Variants in DCLRE1C observed in about 807,000 individuals in gnomAD.
The protein encoded by DCLRE1C is DNA cross-link repair 1C.
In DCLRE1C, 47 loss-of-function variants were observed where a neutral mutation model predicts 61.4. The ratio of observed to expected loss-of-function variants is 0.77; its 90% CI spans 0.61 to 0.98. The LOEUF is 0.98. Ranked by LOEUF, DCLRE1C falls within the 50% of genes least tolerant of loss-of-function variation. The pLI is 0.00. For missense variants in DCLRE1C, 858 were observed against 816.0 expected, an observed-to-expected ratio of 1.05 and a Z score of -0.63; for synonymous variants, 337 against 287.6, an observed-to-expected ratio of 1.17 and a Z score of -1.74.
intron 12 of DCLRE1C, 97 bp from the exon 13 acceptor site, chr10:14,919,929 T>A (rs1208087521): frequency 5.1e-6 from 5 of 986,320 alleles, no homozygotes; most frequent in Non-Finnish European, 6.3e-6. Context: ...TTTTGTTTTT[T>A]AATTTCTTGG....
intron 11 of DCLRE1C, among the ~76,000 whole-genome samples, chr10:14,924,946 G>C (rs1213091176): frequency 6.6e-6 from 1 of 151,856 alleles, no homozygotes; most frequent in South Asian, 2.1e-4. Context: ...TCTGCAAATG[G>C]ACAGACTAGA....
At chr10:14,899,655 C>T (rs17353856), downstream of DCLRE1C, 200,914 of 1,613,652 alleles carry the variant, frequency 0.12, 13,659 homozygotes, top group Non-Finnish European at 0.14. Flanking sequence ...CGGCTCGATA[C>T]GGCAATGTGT....
At chr10:14,923,420 CA>C (rs1837458159) in intron 11 of DCLRE1C, 1 of 276,356 alleles carries the variant, frequency 3.6e-6, no homozygotes, top group Non-Finnish European at 7.1e-6. Flanking sequence ...CCAAGAAGGT[CA>C]GTTGCTTATG....
intron 13 of DCLRE1C, among the ~76,000 whole-genome samples, chr10:14,919,109 G>A (rs1416717783): frequency 1.3e-5 from 2 of 152,046 alleles, no homozygotes; most frequent in African/African-American, 4.8e-5. Context: ...TTACTGCATG[G>A]CAGAGTAACT....
intron 13 of DCLRE1C, among the ~76,000 whole-genome samples, chr10:14,917,673 AATT>A (rs1415867311): frequency 6.6e-6 from 1 of 152,012 alleles, no homozygotes; most frequent in African/African-American, 2.4e-5. Flanking sequence ...AAAATATAAA[AATT>A]AGCCAGGCAT....
At position 14,945,197 on chromosome 10, in the gene DCLRE1C, GA is replaced by G; in HGVS notation, c.162-9del. On this transcript the variant is annotated splice_polypyrimidine_tract_variant and intron_variant, in intron 2 of 13. Coordinates refer to ENST00000378278, the MANE Select transcript of DCLRE1C (RefSeq NM_001033855.3). Reference sequence around the variant, plus strand: ...TATAGATAAACCTTCAAGCTGAAAGGAAAAAAGAAAAAAACTTTCAGTACAA... The same window carrying G: ...TATAGATAAACCTTCAAGCTGAAAGGAAAAAGAAAAAAACTTTCAGTACAA... 1 of 1,607,768 alleles carries G rather than the reference GA, an allele frequency of 6.2e-7. No homozygotes were observed. Among genetic ancestry groups the G allele is most frequent in the East Asian group, 2.2e-5 (1 of 44,708 alleles).
At chr10:14,933,190 C>T (rs948664916) in intron 8 of DCLRE1C, among the ~76,000 whole-genome samples, 4 of 152,142 alleles carry the variant, frequency 2.6e-5, no homozygotes, top group Non-Finnish European at 4.4e-5. Context: ...TATGGACACT[C>T]GGCTCAGGGA....
At chr10:14,946,493 C>T (rs1264727144) in intron 2 of DCLRE1C, among the ~76,000 whole-genome samples, 1 of 152,098 alleles carries the variant, frequency 6.6e-6, no homozygotes, top group Non-Finnish European at 1.5e-5. Context: ...TGAACCTGGG[C>T]AGTTTTCTGT....
At chr10:14,915,216 T>A (rs1162430544) in intron 13 of DCLRE1C, among the ~76,000 whole-genome samples, 1 of 151,932 alleles carries the variant, frequency 6.6e-6, no homozygotes, top group Non-Finnish European at 1.5e-5. Context: ...GACCTCAGCT[T>A]CCATATTAAG....
rs1835826614 is a variant in DCLRE1C, at chr10:14,914,450, TC to T, written c.1157-5121del. 1.3e-5 allele frequency among the ~76,000 whole-genome samples: 2 copies of T among 152,322 alleles called. 1 individual carries two copies. Among genetic ancestry groups the T allele is most frequent in the East Asian group, 3.9e-4 (2 of 5,182 alleles). ...ACAACTGGAGATTGCAACACCCCTC[TC>T]TGGCAATAATTGATAGAACAAGAAT... On this transcript the variant is annotated intron_variant, in intron 13 of 13. Coordinates refer to ENST00000378278, the MANE Select transcript of DCLRE1C (RefSeq NM_001033855.3).
Position 14,945,345 on chromosome 10 carries a change from C to T in DCLRE1C, c.162-156G>A, listed in dbSNP as rs116006021. 475 of 1,395,238 alleles carry T rather than the reference C, an allele frequency of 3.4e-4. 1 individual carries two copies. In the African/African-American group the frequency reaches 6.7e-3, roughly 20 times the overall value. The allele number at this position is 1,395,238 out of a possible 1,614,324, so 86.4% of individuals were successfully genotyped here. ...CCCTAATAAAAACACAAATACTAGC[C>T]TGGCATGGTTATGAAATCTATTTCA... On this transcript the variant is annotated intron_variant, in intron 2 of 13. Coordinates refer to ENST00000378278, the MANE Select transcript of DCLRE1C (RefSeq NM_001033855.3).
At chr10:14,952,780 G>A (rs559472451) in intron 1 of DCLRE1C, among the ~76,000 whole-genome samples, 5 of 152,198 alleles carry the variant, frequency 3.3e-5, no homozygotes, top group Admixed American at 2.0e-4. Flanking sequence ...CACGAGAAGA[G>A]GTCCAGATTT....
At chr10:14,917,275 A>G (rs1836349802) in intron 13 of DCLRE1C, among the ~76,000 whole-genome samples, 1 of 152,234 alleles carries the variant, frequency 6.6e-6, no homozygotes, top group Admixed American at 6.5e-5. Context: ...ATCTAAATGT[A>G]AAACCTAAAA....
At position 14,906,245 on chromosome 10, in the gene DCLRE1C, T is replaced by C. The variant is rs1393368003; in HGVS notation, c.*2163A>G. 6.6e-6 allele frequency among the ~76,000 whole-genome samples: 1 copy of C among 152,192 alleles called. No homozygotes were observed. Among genetic ancestry groups the C allele is most frequent in the African/African-American group, 2.4e-5 (1 of 41,442 alleles). ...GAAATGTATCTACCTCAAAGGGTGGTTGTGAAAATTAAAGGAGTTCATATA... is the reference window on the plus strand; with the variant it reads ...GAAATGTATCTACCTCAAAGGGTGGCTGTGAAAATTAAAGGAGTTCATATA... On this transcript the variant is annotated 3_prime_UTR_variant, in exon 14 of 14. Coordinates refer to ENST00000378278, the MANE Select transcript of DCLRE1C (RefSeq NM_001033855.3).
At chr10:14,901,299 T>G (rs767513052), downstream of DCLRE1C, 12 of 1,611,704 alleles carry the variant, frequency 7.4e-6, no homozygotes, top group African/African-American at 1.6e-4. Flanking sequence ...GGTGTCAGTT[T>G]CAATATGAAG....
rs1010523799 is a variant in DCLRE1C at position 14,949,210 on chromosome 10, T to C, written c.110-123A>G. On this transcript the variant is annotated intron_variant, in intron 1 of 13. Transcript: ENST00000378278. ...CCCATGAGGTTTGCTTTTATAAGAA[T>C]TGATTCACATGGGCTATGAGCTCTT... 22 of 703,038 alleles carry C rather than the reference T, an allele frequency of 3.1e-5. No individual in the cohort carries two copies. In the African/African-American group the frequency reaches 3.8e-4, roughly 12 times the overall value. 43.5% of individuals were successfully genotyped at this position (703,038 alleles called of 1,614,324 possible). A position where few individuals can be genotyped will look rare whatever the true frequency, so the allele number is the denominator to read the frequency against.
rs1392493001 is a variant in DCLRE1C, at chr10:14,932,849, C to T, written c.780+5G>A. 31 of 1,614,014 alleles carry T rather than the reference C, an allele frequency of 1.9e-5. No individual in the cohort carries two copies. Among genetic ancestry groups the T allele is most frequent in the African/African-American group, 4.0e-5 (3 of 75,028 alleles). ...CAATACGAGAGGAATCACTTGCACA[C>T]GTACCTTGGGATGCCGGCATGCATG... On this transcript the variant is annotated splice_donor_5th_base_variant and intron_variant, in intron 9 of 13. Coordinates refer to ENST00000378278, the MANE Select transcript of DCLRE1C (RefSeq NM_001033855.3).
At chr10:14,929,921 TA>T (rs66691679) in intron 9 of DCLRE1C, among the ~76,000 whole-genome samples, 27,659 of 151,968 alleles carry the variant, frequency 0.18, 2,625 homozygotes, top group African/African-American at 0.22. Context: ...GTGCGTGACC[TA>T]AAAAAATCTT....
downstream of DCLRE1C, among the ~76,000 whole-genome samples, chr10:14,901,430 G>C (rs1211408272): frequency 6.6e-6 from 1 of 152,152 alleles, no homozygotes; most frequent in Non-Finnish European, 1.5e-5. Flanking sequence ...GCTAATACTA[G>C]AACCCAGGTC....
Sources: gnomAD v4.1 joint callset for allele counts (sites outside exome capture counted in the v4.1 genomes callset) on GRCh38, gnomAD v4.1.1 for gene constraint, MANE v1.5 for transcripts, NCBI Gene and HGNC (gene_info 2026-07-23, HGNC 2026-07-21) for gene names.